The following DAPK2 variants were observed in gnomAD, a reference collection of about 807,000 sequenced individuals.
DAPK2 encodes death associated protein kinase 2.
A neutral mutation model predicts 44.1 loss-of-function variants in DAPK2; 35 were observed. The observed-to-expected ratio is 0.79, with a 90% CI of 0.61 to 1.05. DAPK2 has a LOEUF of 1.05. Among genes scored for constraint, DAPK2 ranks in the 50% least tolerant of loss-of-function variants. DAPK2 has a pLI of 0.00. For synonymous variants in DAPK2, 174 were observed against 182.6 expected, an observed-to-expected ratio of 0.95 and a Z score of 0.38; for missense variants, 453 against 483.2, an observed-to-expected ratio of 0.94 and a Z score of 0.59.
intron 1 of DAPK2, among the ~76,000 whole-genome samples, chr15:64,016,065 C>T (rs1567275018): frequency 6.6e-6 from 1 of 152,224 alleles, no homozygotes; most frequent in Non-Finnish European, 1.5e-5. Context: ...ACAAAGCAGC[C>T]TCTGCTCTTC....
At chr15:63,915,396 G>A (rs1444265545) in intron 8 of DAPK2, among the ~76,000 whole-genome samples, 1 of 152,082 alleles carries the variant, frequency 6.6e-6, no homozygotes, top group Non-Finnish European at 1.5e-5. Flanking sequence ...AATTCCCCTG[G>A]GCATGAATGA....
chr15:64,002,388 C>T (rs528940197), intron 1 of DAPK2, among the ~76,000 whole-genome samples: 1 of 152,296 alleles, frequency 6.6e-6, no homozygotes, highest in East Asian at 1.9e-4. Context: ...CAATAAAATA[C>T]GTTTTGAAGA....
intron 1 of DAPK2, among the ~76,000 whole-genome samples, chr15:64,014,174 C>A (rs982339946): frequency 2.0e-5 from 3 of 152,204 alleles, no homozygotes; most frequent in Non-Finnish European, 4.4e-5. Flanking sequence ...GTCCATCCTG[C>A]AGTTTGGGTT....
At chr15:63,943,269 T>C (rs1035964482) in intron 3 of DAPK2, among the ~76,000 whole-genome samples, 1 of 151,058 alleles carries the variant, frequency 6.6e-6, no homozygotes, top group Non-Finnish European at 1.5e-5. Context: ...ACAAAAAAAA[T>C]TTTTAAAAAT....
At chr15:63,937,368 G>A (rs1342048483) in intron 4 of DAPK2, among the ~76,000 whole-genome samples, 1 of 152,062 alleles carries the variant, frequency 6.6e-6, no homozygotes, top group African/African-American at 2.4e-5. Context: ...CCTGGTTATT[G>A]GATATTTATC....
intron 1 of DAPK2, among the ~76,000 whole-genome samples, chr15:64,012,945 A>G (rs907010949): frequency 1.3e-5 from 2 of 152,256 alleles, no homozygotes; most frequent in Admixed American, 1.3e-4. Flanking sequence ...GAATGACTGT[A>G]AAATGTTTAC....
At chr15:64,030,715 T>C (rs2079986336) in intron 1 of DAPK2, among the ~76,000 whole-genome samples, 1 of 152,060 alleles carries the variant, frequency 6.6e-6, no homozygotes, top group Non-Finnish European at 1.5e-5. Context: ...TGATTTTTAT[T>C]AAATTATAGA....
At position 64,033,327 on chromosome 15, in the gene DAPK2, A is replaced by AGG. The variant is rs1321934262; in HGVS notation, c.92+6842_92+6843insCC. On this transcript the variant is annotated intron_variant, in intron 1 of 10. Coordinates refer to ENST00000261891, the Ensembl canonical transcript of DAPK2. Reference sequence around the variant, plus strand: ...AAGGAAGGAAGGAAGGAAGGAAGGAAAAAAAAAATAGCTGCTGGGTTAACT... The same window carrying AGG: ...AAGGAAGGAAGGAAGGAAGGAAGGAAGGAAAAAAAATAGCTGCTGGGTTAACT... Among the ~76,000 whole-genome samples, 736 of 115,984 alleles carry AGG rather than the reference A, an allele frequency of 6.3e-3. 13 individuals carry two copies. The highest frequency in any genetic ancestry group is 0.019 in the African/African-American group (692 of 37,278). The allele number at this position is 115,984 out of a possible 152,430, so 76.1% of individuals were successfully genotyped here. A position where few individuals can be genotyped will look rare whatever the true frequency, so the allele number is the denominator to read the frequency against.
chr15:63,975,919 T>G (rs540827116), intron 2 of DAPK2, among the ~76,000 whole-genome samples: 1 of 152,336 alleles, frequency 6.6e-6, no homozygotes, highest in East Asian at 1.9e-4. Context: ...ATGGCTAAAA[T>G]GGCTCCAACC....
chr15:63,995,509 G>A (rs1324634116), intron 1 of DAPK2, among the ~76,000 whole-genome samples: 1 of 152,184 alleles, frequency 6.6e-6, no homozygotes, highest in Non-Finnish European at 1.5e-5. Flanking sequence ...CACTTCGCCT[G>A]CCTGTTACTT....
intron 5 of DAPK2, chr15:63,929,844 T>A (rs1356510040): frequency 1.6e-6 from 1 of 629,628 alleles, no homozygotes; most frequent in East Asian, 3.2e-5. Context: ...TTTAGGTAAG[T>A]CCCTTACCAC....
rs62639967 is a variant in DAPK2 at position 63,983,553 on chromosome 15, G to C, written c.294C>G (p.Asp98Glu). Residue 98 changes from aspartate (D) to glutamate (E), a missense_variant, in exon 2 of 11, where the codon GAC becomes GAG. Asp to Glu is a conservative substitution (Grantham distance 45, BLOSUM62 2). Transcript: ENST00000261891. ...CTCACAGCTCAAGGATGAGCACCAC[G>C]TCGGTGCGGTTCTCATAGACGTCGT... 1.9e-6 allele frequency: 3 copies of C among 1,613,992 alleles called. No homozygotes were observed. The African/African-American group carries it at 4.0e-5, about 22-fold the overall frequency.
intron 1 of DAPK2, among the ~76,000 whole-genome samples, chr15:64,002,479 T>C (rs571080007): frequency 6.6e-6 from 1 of 152,354 alleles, no homozygotes; most frequent in African/African-American, 2.4e-5. Context: ...AATTTGTCCA[T>C]AATAGTAAAA....
chr15:64,031,547 T>G (rs2080017021), intron 1 of DAPK2, among the ~76,000 whole-genome samples: 1 of 152,186 alleles, frequency 6.6e-6, no homozygotes, highest in African/African-American at 2.4e-5. Flanking sequence ...AGTAGATTCT[T>G]AACATATGTC....
intron 1 of DAPK2, among the ~76,000 whole-genome samples, chr15:64,019,138 A>T (rs1011780581): frequency 3.3e-5 from 5 of 152,210 alleles, no homozygotes; most frequent in Non-Finnish European, 7.3e-5. Context: ...ATCCTCCAGA[A>T]CTGATTGCTC....
chr15:63,909,043 T>A (rs907607792), intron 10 of DAPK2: 3 of 152,682 alleles, frequency 2.0e-5, no homozygotes, highest in African/African-American at 7.2e-5. Flanking sequence ...TTTGATGGGC[T>A]GCACCTTCAG....
intron 3 of DAPK2, among the ~76,000 whole-genome samples, chr15:63,943,515 A>C (rs978881338): frequency 1.3e-5 from 2 of 152,098 alleles, no homozygotes; most frequent in African/African-American, 4.8e-5. Flanking sequence ...CAGGCCCCAA[A>C]GTTTGTGCTC....
At chr15:63,973,498 G>A (rs1486064406) in intron 2 of DAPK2, among the ~76,000 whole-genome samples, 1 of 152,226 alleles carries the variant, frequency 6.6e-6, no homozygotes, top group African/African-American at 2.4e-5. Context: ...GAATGGGAAT[G>A]TGTATCCTCT....
At chr15:63,992,293 A>C (rs2078841242) in intron 1 of DAPK2, among the ~76,000 whole-genome samples, 1 of 152,176 alleles carries the variant, frequency 6.6e-6, no homozygotes, top group Non-Finnish European at 1.5e-5. Context: ...GATTCTAGAC[A>C]CTAAACATGA....
Sources: gnomAD v4.1 joint callset for allele counts (sites outside exome capture counted in the v4.1 genomes callset) on GRCh38, gnomAD v4.1.1 for gene constraint, MANE v1.5 for transcripts, NCBI Gene and HGNC (gene_info 2026-07-23, HGNC 2026-07-21) for gene names.